The following ZNF512B variants were observed in gnomAD, a reference collection of about 807,000 sequenced individuals.
ZNF512B encodes zinc finger protein 512B.
In ZNF512B, 22 loss-of-function variants were observed where a neutral mutation model predicts 87.8. The ratio of observed to expected loss-of-function variants is 0.25; its 90% CI spans 0.18 to 0.36. The LOEUF (loss-of-function observed/expected upper bound fraction) is 0.36. Among genes scored for constraint, ZNF512B ranks in the 10% least tolerant of loss-of-function variants. The pLI, the probability that ZNF512B is intolerant of heterozygous loss-of-function variation, is 1.00. For synonymous variants in ZNF512B, 524 were observed against 490.9 expected (o/e 1.07, Z -0.89); for missense variants, 1,060 against 1,231.6 (o/e 0.86, Z 2.09).
chr20:63,959,766 G>A lies in ZNF512B; in HGVS notation c.*122C>T. 7.2e-7 allele frequency: 1 copy of A among 1,396,248 alleles called. No homozygotes were observed. The highest frequency in any genetic ancestry group is 9.5e-7 in the Non-Finnish European group (1 of 1,056,920). 86.5% of individuals were successfully genotyped at this position (1,396,248 alleles called of 1,614,324 possible). ...AGGGAGAGTGGCTGGCTGCCCCACT[G>A]GACGGATGAAGAGGCGGGGGTGGGG... is the stretch of plus-strand genomic sequence containing the variant. On this transcript the variant is annotated 3_prime_UTR_variant, in exon 17 of 17. Coordinates refer to ENST00000369888, the MANE Select transcript of ZNF512B (RefSeq NM_020713.3).
At chr20:63,969,378 G>T (rs960494425) in intron 1 of ZNF512B, among the ~76,000 whole-genome samples, 1 of 152,138 alleles carries the variant, frequency 6.6e-6, no homozygotes, top group Non-Finnish European at 1.5e-5. Flanking sequence ...GCGGGGAGAG[G>T]GGGCTCCGCC....
Position 63,963,595 on chromosome 20 carries a change from G to A in ZNF512B, c.1698+23C>T, listed in dbSNP as rs77261309. 4.6e-3 allele frequency: 7,368 copies of A among 1,612,494 alleles called. 263 individuals are homozygous for A. In the African/African-American group the frequency reaches 0.082, roughly 18 times the overall value. On this transcript the variant is annotated intron_variant, in intron 10 of 16. Coordinates refer to ENST00000369888, the MANE Select transcript of ZNF512B (RefSeq NM_020713.3). Reference sequence around the variant, plus strand: ...TGCGAGGTCAGAGGTCACGCTGGACGGGAGCTGGGGGCCCGACGGTACCTT... The same window carrying A: ...TGCGAGGTCAGAGGTCACGCTGGACAGGAGCTGGGGGCCCGACGGTACCTT...
intron 14 of ZNF512B, 44 bp downstream of exon 14, chr20:63,962,227 GCC>G: frequency 6.5e-7 from 1 of 1,546,666 alleles, no homozygotes; most frequent in Non-Finnish European, 8.7e-7. Flanking sequence ...CCAGGCTCTG[GCC>G]CTGTATGGCT....
rs2058846992 is a variant in ZNF512B at position 63,961,212 on chromosome 20, G to A, written c.2427+97C>T. 1.1e-5 allele frequency: 12 copies of A among 1,103,546 alleles called. No individual in the cohort carries two copies. The East Asian group carries it at 2.7e-4, about 24-fold the overall frequency. The allele number at this position is 1,103,546 out of a possible 1,614,324, so 68.4% of individuals were successfully genotyped here. On this transcript the variant is annotated intron_variant, in intron 16 of 16. Coordinates refer to ENST00000369888, the MANE Select transcript of ZNF512B (RefSeq NM_020713.3). This position sits in a 1 kb window ranked among gnomAD's most constrained non-coding sequence, Gnocchi z 6.4. ...CACTCTCCCAGGCACACCCCATGCAGGCCACTGACCTCTCTACCCCCAAGG... is the reference window on the plus strand; with the variant it reads ...CACTCTCCCAGGCACACCCCATGCAAGCCACTGACCTCTCTACCCCCAAGG...
At chr20:63,969,200 T>C in intron 1 of ZNF512B, 2 of 985,232 alleles carry the variant, frequency 2.0e-6, no homozygotes, top group Non-Finnish European at 1.2e-6. Flanking sequence ...TGGCCTGGGG[T>C]GCAGGTGCCT....
chr20:63,958,132 AC>A lies in ZNF512B; in HGVS notation c.*1755del, dbSNP rs1332886423. The A allele has an allele frequency of 6.6e-6, 1 of 151,830 alleles. No homozygotes were observed. The highest frequency in any genetic ancestry group is 1.9e-4 in the East Asian group (1 of 5,176). The allele number at this position is 151,830 out of a possible 1,614,324, so 9.4% of individuals were successfully genotyped here. ...AGCCAGAGACAGGAAGTGTTCTGCAACCCCAGTCCCCAAAGTGCTCCTGGAA... is the reference window on the plus strand; with the variant it reads ...AGCCAGAGACAGGAAGTGTTCTGCAACCCAGTCCCCAAAGTGCTCCTGGAA... On this transcript the variant is annotated 3_prime_UTR_variant, in exon 17 of 17. Transcript: ENST00000369888.
At position 63,961,475 on chromosome 20, in the gene ZNF512B, A is replaced by C; in HGVS notation, c.2329-68T>G. On this transcript the variant is annotated intron_variant, in intron 15 of 16. Transcript: ENST00000369888. The surrounding 1 kb of genome is among the most constrained non-coding windows in gnomAD (Gnocchi z 6.4). Reference sequence around the variant, plus strand: ...CCAGATCTGTCCTAAGCCCCTACTCATGGCTAAAGGGTCAGAGTCAGCGGT... The same window carrying C: ...CCAGATCTGTCCTAAGCCCCTACTCCTGGCTAAAGGGTCAGAGTCAGCGGT... The C allele has an allele frequency of 2.1e-5, 30 of 1,453,640 alleles. No individual in the cohort carries two copies. Among genetic ancestry groups the C allele is most frequent in the African/African-American group, 2.8e-5 (2 of 71,998 alleles). 90.0% of individuals were successfully genotyped at this position (1,453,640 alleles called of 1,614,324 possible).
Position 63,962,768 on chromosome 20 carries a change from G to A in ZNF512B, c.1982C>T (p.Pro661Leu). ...CTCAGCCTCAGGGGACTTGTCTGTG[G>A]GCTCCTCAGGGGGCTGGAGGGCAGG... The part of the protein sequence containing the change: ...SEHTAPPPEE[P>L]TDKSPEAEDP... Residue 661 changes from proline (P) to leucine (L), a missense_variant, in exon 13 of 17, where the codon CCC becomes CTC. Around this residue, in one of 9 missense-constraint regions of ZNF512B, gnomAD observed 165 missense variants for 173.0 expected, o/e 0.95. Transcript: ENST00000369888. 6.2e-7 allele frequency: 1 copy of A among 1,600,040 alleles called. No homozygotes were observed. Among genetic ancestry groups the A allele is most frequent in the Non-Finnish European group, 8.5e-7 (1 of 1,173,366 alleles).
rs143233617 is a variant in ZNF512B at position 63,966,417 on chromosome 20, G to A, written c.758C>T (p.Pro253Leu). Residue 253 changes from proline to leucine, a missense_variant, in exon 5 of 17, where the codon CCG (proline) becomes CTG (leucine). Pro to Leu is a moderately conservative substitution (Grantham distance 98). This residue lies in a region of ZNF512B where 201 missense variants were observed against 226.8 expected (regional missense o/e 0.89). Coordinates refer to ENST00000369888, the MANE Select transcript of ZNF512B (RefSeq NM_020713.3). ...SRPMPVTKAM[P>L]VTKPITVTKS... The stretch of plus-strand genomic sequence containing the variant: ...GGTGACTGTGATGGGTTTGGTGACC[G>A]GCATGGCCTTGGTGACGGGCATGGG... 85 of 1,613,934 alleles carry A rather than the reference G, an allele frequency of 5.3e-5. No individual in the cohort carries two copies. The highest frequency in any genetic ancestry group is 6.7e-5 in the Non-Finnish European group (79 of 1,180,050).
chr20:63,960,160 A>T lies in ZNF512B; in HGVS notation c.2428-21T>A, dbSNP rs745851925. On this transcript the variant is annotated intron_variant, in intron 16 of 16. Transcript: ENST00000369888. ...CAGTTCTGGGGAGAGAAAAGCGCTG[A>T]TGAAGACCTGGGACTGGATGCTGAG... The T allele has an allele frequency of 3.1e-6, 5 of 1,612,396 alleles. No individual in the cohort carries two copies. The South Asian group carries it at 5.5e-5, about 18-fold the overall frequency.
In ZNF512B at chr20:63,964,150, C is replaced by T. The variant is rs1227930668; in HGVS notation, c.1401G>A (p.Glu467=). The T allele has an allele frequency of 1.9e-6, 3 of 1,603,638 alleles. No homozygotes were observed. In the South Asian group the frequency reaches 3.3e-5, roughly 18 times the overall value. Residue 467 remains glutamate, a synonymous_variant, in exon 8 of 17, where the codon GAG becomes GAA. Transcript: ENST00000369888. ...RSKKQEGPGP[E]DARKKVPAAP... is the part of the protein sequence containing the mutation. ...CAGCTGGCACCTTCTTCCGGGCGTC[C>T]TCAGGGCCTGGCCCCTCCTGCTTCT...
In ZNF512B at chr20:63,967,443, T is replaced by C. The variant is rs2058939553; in HGVS notation, c.202A>G (p.Lys68Glu). 1 of 1,613,266 alleles carries C rather than the reference T, an allele frequency of 6.2e-7. No homozygotes were observed. The highest frequency in any genetic ancestry group is 1.3e-5 in the African/African-American group (1 of 74,918). Residue 68 changes from lysine (K) to glutamate (E), a missense_variant, in exon 3 of 17, where the codon AAG becomes GAG. Transcript: ENST00000369888. ...CFDPGSPASD[K>E]TEGKKKGRPK... ...CGCCCCTTTTTCTTCCCTTCTGTCT[T>C]GTCACTGGCTGGACTTCCCGGGTCA... is the stretch of plus-strand genomic sequence containing the variant.
rs1280376868 is a variant in ZNF512B, at chr20:63,966,961, G to A, written c.308C>T (p.Ser103Leu). Reference protein sequence around the residue: ...NDWKDEFKAHSRVKCPNSGCW... With the variant: ...NDWKDEFKAHLRVKCPNSGCW... ...CCCTGAGTTTGGACACTTCACCCTC[G>A]AGTGTGCCTTGAACTCATCCTTCCA... The change falls in exon 4 of 17, where the codon TCG becomes TTG. Residue 103 changes from serine (S) to leucine (L), a missense_variant. Physicochemically the swap from Ser to Leu is moderately radical, Grantham distance 145. Around this residue, in one of 9 missense-constraint regions of ZNF512B, gnomAD observed 134 missense variants for 153.6 expected, o/e 0.87. Coordinates refer to ENST00000369888, the MANE Select transcript of ZNF512B (RefSeq NM_020713.3). 6 of 1,613,702 alleles carry A rather than the reference G, an allele frequency of 3.7e-6. No homozygotes were observed. The highest frequency in any genetic ancestry group is 2.2e-5 in the South Asian group (2 of 91,090).
rs748498546 is a variant in ZNF512B, at chr20:63,967,503, C to T, written c.142G>A (p.Gly48Arg). 3 of 1,605,038 alleles carry T rather than the reference C, an allele frequency of 1.9e-6. No homozygotes were observed. Among genetic ancestry groups the T allele is most frequent in the South Asian group, 2.2e-5 (2 of 90,510 alleles). The change falls in exon 3 of 17, where the codon GGA (glycine) becomes AGA (arginine). Residue 48 changes from glycine (G) to arginine (R), a missense_variant. By Grantham distance (125) the Gly-to-Arg change is moderately radical (BLOSUM62 -2). This residue lies in a region of ZNF512B where 134 missense variants were observed against 153.6 expected (regional missense o/e 0.87). Transcript: ENST00000369888. ...PKMGMPVVRG[G>R]QTVPGQAPLC... is the part of the protein sequence containing the mutation. The stretch of plus-strand genomic sequence containing the variant: ...GGGGCCTGGCCGGGCACTGTCTGTC[C>T]ACCACGGACCACCGGCATCCCTGCA...
chr20:63,964,757 T>G, intron 5 of ZNF512B, 41 bp from the exon 6 acceptor site: 1 of 1,598,574 alleles, frequency 6.3e-7, no homozygotes, highest in Non-Finnish European at 8.5e-7. Flanking sequence ...AGGGCCTAAC[T>G]GTGGGCCCCA....
rs758424755 is a variant in ZNF512B at position 63,967,481 on chromosome 20, G to A, written c.164C>T (p.Ala55Val). The A allele has an allele frequency of 3.1e-6, 5 of 1,612,064 alleles. No individual in the cohort carries two copies. Among genetic ancestry groups the A allele is most frequent in the Non-Finnish European group, 4.2e-6 (5 of 1,179,188 alleles). Residue 55 changes from alanine to valine, a missense_variant, in exon 3 of 17, where the codon GCC becomes GTC. By Grantham distance (64) the Ala-to-Val change is moderately conservative. Transcript: ENST00000369888. ...VRGGQTVPGQ[A>V]PLCFDPGSPA... ...ACTTCCCGGGTCAAAGCAGAGAGGG[G>A]CCTGGCCGGGCACTGTCTGTCCACC...
chr20:63,967,230 C>T lies in ZNF512B; in HGVS notation c.264+151G>A. The stretch of plus-strand genomic sequence containing the variant: ...CCCGAATCTCCCGGCACATCAGATA[C>T]AAAGCCAGGCCACGTGAAGTCTGCC... On this transcript the variant is annotated intron_variant, in intron 3 of 16. Coordinates refer to ENST00000369888, the MANE Select transcript of ZNF512B (RefSeq NM_020713.3). 5 of 1,342,844 alleles carry T rather than the reference C, an allele frequency of 3.7e-6. No homozygotes were observed. In the South Asian group the frequency reaches 5.6e-5, roughly 15 times the overall value. 83.2% of individuals were successfully genotyped at this position (1,342,844 alleles called of 1,614,324 possible). A position where few individuals can be genotyped will look rare whatever the true frequency, so the allele number is the denominator to read the frequency against.
At chr20:63,963,049 G>T in intron 12 of ZNF512B, 46 bp downstream of exon 12, 1 of 1,495,170 alleles carries the variant, frequency 6.7e-7, no homozygotes, top group Admixed American at 2.1e-5. Flanking sequence ...GAACACACAC[G>T]GCACACAGGA....
intron 1 of ZNF512B, among the ~76,000 whole-genome samples, chr20:63,968,542 C>T (rs555318442): frequency 2.0e-4 from 30 of 152,330 alleles, no homozygotes; most frequent in African/African-American, 7.2e-4. Flanking sequence ...TTGGAATCTT[C>T]TCTCCAGACA....
Sources: allele counts gnomAD v4.1 joint callset (sites outside exome capture counted in the v4.1 genomes callset), GRCh38; gene constraint gnomAD v4.1.1; regional missense constraint gnomAD v4.1.1; non-coding constraint Gnocchi (gnomAD v3.1); transcripts MANE v1.5; gene names NCBI Gene and HGNC (gene_info 2026-07-23, HGNC 2026-07-21).